Variants in PTPRN2 observed in about 807,000 individuals in gnomAD.
PTPRN2 encodes receptor-type tyrosine-protein phosphatase N2.
Under a neutral mutation model 118.8 loss-of-function variants are expected in PTPRN2, and 74 were observed. That is an observed-to-expected ratio of 0.62 (90% CI 0.52 to 0.76). PTPRN2 has a LOEUF of 0.76. Ranked by LOEUF, PTPRN2 falls within the 30% of genes least tolerant of loss-of-function variation. The pLI is 0.00. For missense variants in PTPRN2, 1,481 were observed against 1,394.4 expected (o/e 1.06, Z -0.99); for synonymous variants, 641 against 608.0 (o/e 1.05, Z -0.80).
intron 11 of PTPRN2, 41 bp from the exon 12 acceptor site, chr7:157,898,778 A>C: frequency 6.6e-7 from 1 of 1,521,872 alleles, no homozygotes; most frequent in South Asian, 1.1e-5. Context: ...CAGGTTGGAG[A>C]GGTCCTCAGT....
intron 6 of PTPRN2, among the ~76,000 whole-genome samples, chr7:158,150,127 G>T (rs1223909996): frequency 1.3e-5 from 2 of 152,184 alleles, no homozygotes; most frequent in Non-Finnish European, 2.9e-5. Context: ...GAGCTCTGAA[G>T]CTTGGCCGGC....
At chr7:158,142,568 C>T (rs1056683885) in intron 6 of PTPRN2, among the ~76,000 whole-genome samples, 6 of 152,196 alleles carry the variant, frequency 3.9e-5, no homozygotes, top group African/African-American at 1.4e-4. Context: ...GCGTACTCTT[C>T]TGTTTTTTCA....
At chr7:158,393,743 A>G (rs1355176740) in intron 2 of PTPRN2, among the ~76,000 whole-genome samples, 1 of 152,160 alleles carries the variant, frequency 6.6e-6, no homozygotes, top group Non-Finnish European at 1.5e-5. Context: ...CTGGTGAAGA[A>G]GGAATCATGA....
chr7:157,593,199 G>C (rs1203288974), intron 17 of PTPRN2, among the ~76,000 whole-genome samples: 1 of 151,242 alleles, frequency 6.6e-6, no homozygotes, highest in Non-Finnish European at 1.5e-5. Flanking sequence ...ACAGGACGGA[G>C]GGTGGATGTG....
Position 157,560,668 on chromosome 7 carries a change from G to A in PTPRN2, c.2902+8234C>T, listed in dbSNP as rs112828117. On this transcript the variant is annotated intron_variant, in intron 21 of 22. Transcript: ENST00000389418. The surrounding 1 kb of genome is among the most constrained non-coding windows in gnomAD (Gnocchi z 6.7). ...AGGCCCTGCTCCTGCCCGACCGAAGGCAACTTCTCCCTTGAAGAGAAAGGT... is the reference window on the plus strand; with the variant it reads ...AGGCCCTGCTCCTGCCCGACCGAAGACAACTTCTCCCTTGAAGAGAAAGGT... Among the ~76,000 whole-genome samples the A allele has an allele frequency of 5.3e-3, 813 of 152,234 alleles. 5 individuals carry two copies. The highest frequency in any genetic ancestry group is 8.1e-3 in the Non-Finnish European group (548 of 68,006).
Position 157,808,433 on chromosome 7 carries a change from C to T in PTPRN2, c.1788+90240G>A, listed in dbSNP as rs1805772251. Among the ~76,000 whole-genome samples the T allele has an allele frequency of 6.6e-6, 1 of 152,126 alleles. No homozygotes were observed. Among genetic ancestry groups the T allele is most frequent in the African/African-American group, 2.4e-5 (1 of 41,426 alleles). On this transcript the variant is annotated intron_variant, in intron 12 of 22. Transcript: ENST00000389418. The surrounding 1 kb of genome is among the most constrained non-coding windows in gnomAD (Gnocchi z 5.0). ...TGGGCTCCACCTCCTGTCAGCTCAGCAGTGGCATCAGATTCTCATAGGAGC... is the reference window on the plus strand; with the variant it reads ...TGGGCTCCACCTCCTGTCAGCTCAGTAGTGGCATCAGATTCTCATAGGAGC...
At chr7:158,414,663 G>A (rs1156418078) in intron 2 of PTPRN2, among the ~76,000 whole-genome samples, 3 of 152,198 alleles carry the variant, frequency 2.0e-5, no homozygotes, top group Non-Finnish European at 4.4e-5. Context: ...CGAGGTCCTC[G>A]ATCTGGCATA....
rs187199913 is a variant in PTPRN2, at chr7:157,826,639, C to T, written c.1788+72034G>A. On this transcript the variant is annotated intron_variant, in intron 12 of 22. Transcript: ENST00000389418. ...TGTGCTAAGCTGTATTTCACCCTCA[C>T]GCCAGGCAACAAGGTGGGCATTACT... Among the ~76,000 whole-genome samples the T allele has an allele frequency of 2.2e-3, 341 of 152,314 alleles. 2 individuals carry two copies. The highest frequency in any genetic ancestry group is 7.9e-3 in the African/African-American group (329 of 41,552).
intron 2 of PTPRN2, among the ~76,000 whole-genome samples, chr7:158,337,388 G>C (rs554831158): frequency 6.6e-5 from 7 of 105,324 alleles, no homozygotes; most frequent in Admixed American, 2.9e-4. Flanking sequence ...CACCATAAGA[G>C]GTAACACCTG....
rs575386770 is a variant in PTPRN2 at position 157,809,978 on chromosome 7, G to C, written c.1788+88695C>G. Among the ~76,000 whole-genome samples the C allele has an allele frequency of 2.0e-5, 3 of 152,342 alleles. No homozygotes were observed. In the South Asian group the frequency reaches 6.2e-4, roughly 32 times the overall value. ...GAAAATACCAGGCTGATGGCAGAGG[G>C]TGCGTGGGGAGGAGATCAGGGAACC... On this transcript the variant is annotated intron_variant, in intron 12 of 22. Transcript: ENST00000389418.
chr7:158,480,750 A>G (rs1820589417), intron 2 of PTPRN2, among the ~76,000 whole-genome samples: 1 of 152,276 alleles, frequency 6.6e-6, no homozygotes. Flanking sequence ...AGCCAGCCAC[A>G]ATATTCCCTT....
intron 11 of PTPRN2, among the ~76,000 whole-genome samples, chr7:157,966,135 G>T (rs113806117): frequency 6.6e-6 from 1 of 152,054 alleles, no homozygotes; most frequent in African/African-American, 2.4e-5. Context: ...AAGTTATCTC[G>T]GTGGCCTATA....
At chr7:157,705,145 A>C (rs1366629385) in intron 12 of PTPRN2, among the ~76,000 whole-genome samples, 3 of 152,194 alleles carry the variant, frequency 2.0e-5, no homozygotes, top group African/African-American at 7.2e-5. Context: ...CTCTACTAAA[A>C]ATACAAAAAA....
At chr7:158,110,354 A>G (rs1816128364) in intron 10 of PTPRN2, among the ~76,000 whole-genome samples, 1 of 152,192 alleles carries the variant, frequency 6.6e-6, no homozygotes, top group Non-Finnish European at 1.5e-5. Context: ...TCTCTAAACC[A>G]GGTCACGCTG....
intron 9 of PTPRN2, among the ~76,000 whole-genome samples, chr7:158,118,878 T>C (rs758263051): frequency 1.6e-4 from 24 of 152,244 alleles, no homozygotes; most frequent in Admixed American, 4.6e-4. Flanking sequence ...AACTTTTCTA[T>C]TTTTTGTAGA....
At chr7:158,014,315 C>T (rs543596110) in intron 11 of PTPRN2, among the ~76,000 whole-genome samples, 1 of 151,054 alleles carries the variant, frequency 6.6e-6, no homozygotes, top group African/African-American at 2.4e-5. Context: ...TCCATCCACC[C>T]ATCCATCCCT....
At chr7:157,951,931 C>T (rs950787987) in intron 11 of PTPRN2, among the ~76,000 whole-genome samples, 24 of 152,180 alleles carry the variant, frequency 1.6e-4, no homozygotes, top group Non-Finnish European at 2.5e-4. Flanking sequence ...CCACTCACTC[C>T]TGCTGCACCT....
rs112585935 is a variant in PTPRN2 at position 158,346,710 on chromosome 7, C to T, written c.164-29778G>A. ...ATACAGTTCTCCATAATGACTGTAC[C>T]GATTTAGATTCCCAATAGTGCACAA... On this transcript the variant is annotated intron_variant, in intron 2 of 22. Transcript: ENST00000389418. Among the ~76,000 whole-genome samples, 1,403 of 152,202 alleles carry T rather than the reference C, an allele frequency of 9.2e-3. 18 individuals are homozygous for T. Among genetic ancestry groups the T allele is most frequent in the African/African-American group, 0.032 (1,315 of 41,534 alleles).
intron 22 of PTPRN2, among the ~76,000 whole-genome samples, chr7:157,543,501 T>C (rs1255881363): frequency 6.6e-6 from 1 of 152,130 alleles, no homozygotes; most frequent in Non-Finnish European, 1.5e-5. Context: ...GCCCACATAG[T>C]TGGTGGAGGG....
Sources: allele counts gnomAD v4.1 joint callset (sites outside exome capture counted in the v4.1 genomes callset), GRCh38; gene constraint gnomAD v4.1.1; non-coding constraint Gnocchi (gnomAD v3.1); transcripts MANE v1.5; gene names NCBI Gene and HGNC (gene_info 2026-07-23, HGNC 2026-07-21).